The following PDE10A variants were observed in gnomAD, a reference collection of about 807,000 sequenced individuals.
The protein encoded by PDE10A is phosphodiesterase 10A.
PDE10A carries 39 observed loss-of-function variants against 97.7 expected under a neutral mutation model. The ratio of observed to expected loss-of-function variants is 0.40; its 90% CI spans 0.31 to 0.52. The LOEUF (loss-of-function observed/expected upper bound fraction) is 0.52, where lower values mean the gene tolerates loss of function less well. PDE10A is among the 20% of genes least tolerant of loss of function. The pLI, the probability that PDE10A is intolerant of heterozygous loss-of-function variation, is 0.56. For synonymous variants in PDE10A, 371 were observed against 376.8 expected, an observed-to-expected ratio of 0.98 and a Z score of 0.18; for missense variants, 731 against 1,047.8, an observed-to-expected ratio of 0.70 and a Z score of 4.17.
chr6:165,513,958 T>A (rs1781652491), intron 2 of PDE10A, among the ~76,000 whole-genome samples: 1 of 152,200 alleles, frequency 6.6e-6, no homozygotes, highest in Admixed American at 6.5e-5. Context: ...AAGACAGTTT[T>A]AGTTCTTCCT....
intron 1 of PDE10A, among the ~76,000 whole-genome samples, chr6:165,613,012 C>A: frequency 6.6e-6 from 1 of 152,256 alleles, no homozygotes; most frequent in South Asian, 2.1e-4. Context: ...ATATTTAAAA[C>A]CTTGAACAGA....
chr6:165,831,167 G>A (rs1485963145), intron 1 of PDE10A, among the ~76,000 whole-genome samples: 2 of 151,754 alleles, frequency 1.3e-5, no homozygotes, highest in Non-Finnish European at 2.9e-5. Context: ...GGTGGCTCAC[G>A]AGGTCAAGAG....
chr6:165,880,265 T>C (rs1288132946), intron 1 of PDE10A, among the ~76,000 whole-genome samples: 1 of 152,218 alleles, frequency 6.6e-6, no homozygotes, highest in Admixed American at 6.5e-5. Flanking sequence ...TTCTACATTG[T>C]TTTATGCTCA....
chr6:165,865,855 C>T (rs368302226), intron 1 of PDE10A, among the ~76,000 whole-genome samples: 14 of 151,880 alleles, frequency 9.2e-5, no homozygotes, highest in East Asian at 5.8e-4. Context: ...GTAATAGAAA[C>T]CCTATTTAAT....
intron 17 of PDE10A, among the ~76,000 whole-genome samples, chr6:165,384,560 G>A (rs1008253279): frequency 1.3e-5 from 2 of 151,484 alleles, no homozygotes; most frequent in African/African-American, 4.9e-5. Flanking sequence ...CAAGGTCAAG[G>A]CAAGCTGTGA....
chr6:165,415,859 G>A (rs1012985229), intron 12 of PDE10A, among the ~76,000 whole-genome samples: 15 of 152,038 alleles, frequency 9.9e-5, no homozygotes, highest in East Asian at 1.9e-4. Context: ...ATGATTTGAC[G>A]GAGAACATGT....
intron 1 of PDE10A, among the ~76,000 whole-genome samples, chr6:165,758,581 G>A (rs901320276): frequency 8.0e-5 from 12 of 150,302 alleles, no homozygotes; most frequent in African/African-American, 3.0e-4. Context: ...AAGAGGAAGA[G>A]GAAGAAGAAA....
intron 3 of PDE10A, 30 bp downstream of exon 3, chr6:165,482,285 A>G: frequency 2.2e-6 from 3 of 1,393,864 alleles, no homozygotes; most frequent in South Asian, 1.2e-5. Flanking sequence ...CCTATACTGC[A>G]GTAGTAGAAA....
chr6:165,668,747 AAGAG>A (rs1408924473), intron 1 of PDE10A, among the ~76,000 whole-genome samples: 1 of 134,598 alleles, frequency 7.4e-6, no homozygotes, highest in East Asian at 2.5e-4. Context: ...AAAAGACAGA[AAGAG>A]AAAGGAAGGA....
intron 1 of PDE10A, among the ~76,000 whole-genome samples, chr6:165,970,828 G>A (rs1356902505): frequency 6.6e-6 from 1 of 152,090 alleles, no homozygotes; most frequent in East Asian, 1.9e-4. Flanking sequence ...AACATGAATT[G>A]GACCCCATTA....
chr6:165,725,596 C>T (rs904535348), intron 1 of PDE10A, among the ~76,000 whole-genome samples: 2 of 152,000 alleles, frequency 1.3e-5, no homozygotes, highest in South Asian at 2.1e-4. Context: ...ATAGGGGAGG[C>T]CCGTGGAGTC....
At chr6:165,601,502 G>A (rs562569483) in intron 1 of PDE10A, among the ~76,000 whole-genome samples, 41 of 152,230 alleles carry the variant, frequency 2.7e-4, no homozygotes, top group Non-Finnish European at 5.9e-5. Flanking sequence ...AGCCCTATGA[G>A]GTAGAGAAAT....
chr6:165,381,309 A>G (rs578068492), intron 17 of PDE10A, among the ~76,000 whole-genome samples: 2 of 152,302 alleles, frequency 1.3e-5, no homozygotes, highest in Admixed American at 1.3e-4. Context: ...TAAAGAATGT[A>G]TATATTCTAC....
At chr6:165,903,400 A>G (rs1260681165) in intron 1 of PDE10A, among the ~76,000 whole-genome samples, 1 of 152,176 alleles carries the variant, frequency 6.6e-6, no homozygotes, top group African/African-American at 2.4e-5. Flanking sequence ...TTTGGAAGGA[A>G]AGTTGATAGA....
At chr6:165,439,550 G>A (rs1396478080) in intron 5 of PDE10A, among the ~76,000 whole-genome samples, 6 of 152,182 alleles carry the variant, frequency 3.9e-5, no homozygotes, top group Admixed American at 3.3e-4. Flanking sequence ...AACTAGCATC[G>A]ATGAGATTGC....
chr6:165,868,484 AC>A (rs2128477982), intron 1 of PDE10A, among the ~76,000 whole-genome samples: 1 of 152,178 alleles, frequency 6.6e-6, no homozygotes, highest in East Asian at 1.9e-4. Flanking sequence ...ACCTAAACAG[AC>A]CAGTAAAAAG....
At position 165,498,423 on chromosome 6, in the gene PDE10A, C is replaced by CA. The variant is rs35069498; in HGVS notation, c.995-16081dup. On this transcript the variant is annotated intron_variant, in intron 2 of 21. Transcript: ENST00000539869. ...GGATGACAGAGCAAGACCCTGTCTC[C>CA]AAAAAAAAAAAAAAAAAAAAAAAAA... is the stretch of plus-strand genomic sequence containing the variant. Among the ~76,000 whole-genome samples, 75 of 22,884 alleles carry CA rather than the reference C, an allele frequency of 3.3e-3. 9 individuals carry two copies. Among genetic ancestry groups the CA allele is most frequent in the South Asian group, 5.0e-3 (2 of 398 alleles). 15.0% of individuals were successfully genotyped at this position (22,884 alleles called of 152,430 possible).
chr6:165,557,331 A>C, intron 1 of PDE10A, among the ~76,000 whole-genome samples: 1 of 152,188 alleles, frequency 6.6e-6, no homozygotes, highest in East Asian at 1.9e-4. Flanking sequence ...ATACCGATTC[A>C]TAATTAATAA....
chr6:165,798,886 T>G (rs901430818), intron 1 of PDE10A, among the ~76,000 whole-genome samples: 20 of 152,250 alleles, frequency 1.3e-4, no homozygotes, highest in Admixed American at 5.2e-4. Context: ...TTTGGTGTTT[T>G]TTGTAGAAAT....
Sources: gnomAD v4.1 joint callset for allele counts (sites outside exome capture counted in the v4.1 genomes callset) on GRCh38, gnomAD v4.1.1 for gene constraint, MANE v1.5 for transcripts, NCBI Gene and HGNC (gene_info 2026-07-23, HGNC 2026-07-21) for gene names.